The following SQSTM1 variants were observed in gnomAD, a reference collection of about 807,000 sequenced individuals.
The protein encoded by SQSTM1 is sequestosome 1, also known as sequestosome-1.
Under a neutral mutation model 45.1 loss-of-function variants are expected in SQSTM1, and 36 were observed. The observed-to-expected ratio is 0.80, with a 90% CI of 0.61 to 1.05. SQSTM1 has a LOEUF of 1.05. SQSTM1 is among the 50% of genes least tolerant of loss of function. SQSTM1 has a pLI of 0.00. For missense variants in SQSTM1, 617 were observed against 607.1 expected, an observed-to-expected ratio of 1.02 and a Z score of -0.17; for synonymous variants, 290 against 244.3, an observed-to-expected ratio of 1.19 and a Z score of -1.74.
rs1281568525 is a variant in SQSTM1, at chr5:179,828,565, G to A, written c.754+3339G>A. On this transcript the variant is annotated intron_variant, in intron 5 of 7. Coordinates refer to ENST00000389805, the MANE Select transcript of SQSTM1 (RefSeq NM_003900.5). ...AATTTTGTATTTTTAGTAGAGACGA[G>A]GTTTCTCTGTGTTGGTCAGGCTGGT... Among the ~76,000 whole-genome samples, 6 of 151,910 alleles carry A rather than the reference G, an allele frequency of 3.9e-5. No individual in the cohort carries two copies. The East Asian group carries it at 1.2e-3, about 29-fold the overall frequency.
chr5:179,835,463 C>T (rs1411728479), intron 7 of SQSTM1: 1 of 156,954 alleles, frequency 6.4e-6, no homozygotes. Context: ...GCTGGCGGAT[C>T]ACTCGTGGTT....
At chr5:179,828,361 TTTC>T (rs1177347291) in intron 5 of SQSTM1, among the ~76,000 whole-genome samples, 4 of 149,832 alleles carry the variant, frequency 2.7e-5, no homozygotes, top group African/African-American at 5.0e-5. Context: ...ACCTTTTTTT[TTTC>T]TTATCTTTTT....
chr5:179,822,693 A>C (rs1230972166), intron 1 of SQSTM1: 2 of 482,946 alleles, frequency 4.1e-6, no homozygotes, highest in Non-Finnish European at 7.6e-6. Context: ...TAAGTGCAGC[A>C]GCCAAAGCTG....
chr5:179,810,975 A>G (rs888352856), intron 1 of SQSTM1, among the ~76,000 whole-genome samples: 8 of 152,154 alleles, frequency 5.3e-5, no homozygotes, highest in African/African-American at 9.7e-5. Flanking sequence ...CAAGTGAGAC[A>G]GCCAAGTCTA....
chr5:179,832,549 C>T (rs758352622), intron 5 of SQSTM1, among the ~76,000 whole-genome samples: 26 of 152,306 alleles, frequency 1.7e-4, no homozygotes, highest in African/African-American at 5.3e-4. Context: ...TGGCTGGAAG[C>T]GCCTGCCACA....
At chr5:179,818,979 C>T (rs1757667055), upstream of SQSTM1, 1 of 152,610 alleles carries the variant, frequency 6.6e-6, no homozygotes, top group African/African-American at 2.4e-5. Context: ...CCGCTGCACG[C>T]TCTTCCTGCT....
At chr5:179,821,544 G>A (rs919354044) in intron 1 of SQSTM1, 3 of 475,438 alleles carry the variant, frequency 6.3e-6, no homozygotes, top group Non-Finnish European at 1.2e-5. Flanking sequence ...ACACCTTGCT[G>A]CGCCAGGTGG....
upstream of SQSTM1, among the ~76,000 whole-genome samples, chr5:179,819,216 G>T (rs545521332): frequency 1.3e-5 from 2 of 152,188 alleles, no homozygotes; most frequent in Non-Finnish European, 2.9e-5. Context: ...GGCCTCGCGT[G>T]GGGGCAGGGC....
intron 1 of SQSTM1, chr5:179,821,435 C>T (rs897938423): frequency 1.5e-4 from 89 of 608,602 alleles, no homozygotes; most frequent in Non-Finnish European, 2.5e-4. Context: ...CCCCGCTCCA[C>T]CCCCCGCGCT....
At chr5:179,835,047 G>A (rs950436642) in intron 7 of SQSTM1, 10 of 218,554 alleles carry the variant, frequency 4.6e-5, no homozygotes, top group Non-Finnish European at 8.4e-5. Context: ...TCACTTCTCA[G>A]ACGGGGCGGC....
chr5:179,816,295 C>T (rs1055805919), upstream of SQSTM1, among the ~76,000 whole-genome samples: 6 of 152,294 alleles, frequency 3.9e-5, no homozygotes, highest in Non-Finnish European at 7.4e-5. Context: ...ACTACAGGCA[C>T]CTGCCGCCAC....
At position 179,837,837 on chromosome 5, in the gene SQSTM1, G is replaced by A; in HGVS notation, c.*1244G>A. The A allele has an allele frequency of 6.2e-7, 1 of 1,612,172 alleles. No homozygotes were observed. Among genetic ancestry groups the A allele is most frequent in the Non-Finnish European group, 8.5e-7 (1 of 1,180,020 alleles). ...CTGCAGTCTGCAGAGTTCTCCTGGA[G>A]GCAGGGGCTGCTGCCTTGTTTCACC... On this transcript the variant is annotated 3_prime_UTR_variant, in exon 8 of 8. Coordinates refer to ENST00000389805, the MANE Select transcript of SQSTM1 (RefSeq NM_003900.5).
At chr5:179,832,566 A>G (rs1758277113) in intron 5 of SQSTM1, among the ~76,000 whole-genome samples, 1 of 152,136 alleles carries the variant, frequency 6.6e-6, no homozygotes, top group African/African-American at 2.4e-5. Flanking sequence ...CACATGTGGT[A>G]TTGGCTCTCC....
intron 1 of SQSTM1, among the ~76,000 whole-genome samples, chr5:179,811,179 G>T (rs966911554): frequency 2.0e-5 from 3 of 151,838 alleles, no homozygotes; most frequent in African/African-American, 7.3e-5. Flanking sequence ...CTTTCAGTGA[G>T]CCGAGATCGC....
Position 179,824,178 on chromosome 5 carries a change from C to G in SQSTM1, c.532-4C>G. The G allele has an allele frequency of 1.2e-6, 2 of 1,613,800 alleles. No homozygotes were observed. The highest frequency in any genetic ancestry group is 1.3e-5 in the African/African-American group (1 of 75,066). On this transcript the variant is annotated splice_polypyrimidine_tract_variant and splice_region_variant and intron_variant, in intron 3 of 7. Transcript: ENST00000389805. The stretch of plus-strand genomic sequence containing the variant: ...GCCTGCCGCTCTGCTAATTCCTCCC[C>G]CAGGGCTTCTCGCACAGCCGCTGGC...
chr5:179,814,172 G>A (rs1364216531), upstream of SQSTM1, among the ~76,000 whole-genome samples: 1 of 152,188 alleles, frequency 6.6e-6, no homozygotes, highest in Non-Finnish European at 1.5e-5. Flanking sequence ...TTGCTAATTT[G>A]TCTTTTGTCA....
chr5:179,830,879 T>A (rs1758182293), intron 5 of SQSTM1, among the ~76,000 whole-genome samples: 2 of 152,136 alleles, frequency 1.3e-5, no homozygotes, highest in African/African-American at 4.8e-5. Flanking sequence ...TTTTAAAATT[T>A]TTTTGTAGAG....
At position 179,836,443 on chromosome 5, in the gene SQSTM1, C is replaced by T. The variant is rs1289690734; in HGVS notation, c.1173C>T (p.Asp391=). ...ALYPHLPPEA[D]PRLIESLSQM... The stretch of plus-strand genomic sequence containing the variant: ...TCCTTACTGTTTCGGCAGAGGCTGA[C>T]CCGCGGCTGATTGAGTCCCTCTCCC... The change falls in exon 8 of 8, where the codon GAC becomes GAT. Residue 391 remains aspartate, a synonymous_variant. Coordinates refer to ENST00000389805, the MANE Select transcript of SQSTM1 (RefSeq NM_003900.5). 1.2e-6 allele frequency: 2 copies of T among 1,614,178 alleles called. No individual in the cohort carries two copies. Among genetic ancestry groups the T allele is most frequent in the Non-Finnish European group, 1.7e-6 (2 of 1,180,034 alleles).
intron 1 of SQSTM1, among the ~76,000 whole-genome samples, chr5:179,821,870 G>A (rs1757795654): frequency 6.6e-6 from 1 of 152,172 alleles, no homozygotes; most frequent in Non-Finnish European, 1.5e-5. Context: ...AGGTGGCCAA[G>A]GCCGGCCCCT....
Sources: gnomAD v4.1 joint callset for allele counts (sites outside exome capture counted in the v4.1 genomes callset) on GRCh38, gnomAD v4.1.1 for gene constraint, MANE v1.5 for transcripts, NCBI Gene and HGNC (gene_info 2026-07-23, HGNC 2026-07-21) for gene names.